Variants in PLPPR1 observed in about 807,000 individuals in gnomAD.
PLPPR1 encodes the protein phospholipid phosphatase related 1.
A neutral mutation model predicts 33.1 loss-of-function variants in PLPPR1; 10 were observed. The ratio of observed to expected loss-of-function variants is 0.30; its 90% confidence interval spans 0.19 to 0.51. The LOEUF (loss-of-function observed/expected upper bound fraction) is 0.51, where lower values mean the gene tolerates loss of function less well. Among genes scored for constraint, PLPPR1 ranks in the 20% least tolerant of loss-of-function variants. The pLI is 0.97. For missense variants in PLPPR1, 304 were observed against 408.1 expected (o/e 0.74, Z 2.20); for synonymous variants, 151 against 151.0 (o/e 1.00, Z 0.00).
At chr9:101,259,009 T>G (rs982898907) in intron 2 of PLPPR1, among the ~76,000 whole-genome samples, 120 of 152,296 alleles carry the variant, frequency 7.9e-4, no homozygotes, top group African/African-American at 2.7e-3. Context: ...AGAGAAAATT[T>G]TGTAGCCCAA....
At chr9:101,269,833 C>G in intron 2 of PLPPR1, 47 bp from the exon 3 acceptor site, 3 of 1,591,234 alleles carry the variant, frequency 1.9e-6, no homozygotes, top group Non-Finnish European at 2.6e-6. Flanking sequence ...GCAAGGGCTG[C>G]TCCGAAGCCC....
At chr9:101,096,156 A>G (rs1446789126) in intron 1 of PLPPR1, among the ~76,000 whole-genome samples, 2 of 152,304 alleles carry the variant, frequency 1.3e-5, no homozygotes, top group Non-Finnish European at 2.9e-5. Flanking sequence ...TACCCTGAAG[A>G]TCACAAAAAG....
chr9:101,047,448 A>G (rs142261923), intron 1 of PLPPR1, among the ~76,000 whole-genome samples: 1 of 152,316 alleles, frequency 6.6e-6, no homozygotes, highest in African/African-American at 2.4e-5. Context: ...GCGCTGTGTG[A>G]AGCAAATTGT....
intron 1 of PLPPR1, among the ~76,000 whole-genome samples, chr9:101,129,838 A>C (rs577564677): frequency 6.0e-4 from 92 of 152,302 alleles, no homozygotes; most frequent in Admixed American, 9.8e-4. Context: ...CAAAACAATA[A>C]AAAAATAAAT....
At chr9:101,249,868 T>A (rs1383317093) in intron 2 of PLPPR1, among the ~76,000 whole-genome samples, 1 of 152,028 alleles carries the variant, frequency 6.6e-6, no homozygotes, top group Non-Finnish European at 1.5e-5. Flanking sequence ...TCTCTTCTCA[T>A]CTCTTGCTGG....
intron 1 of PLPPR1, among the ~76,000 whole-genome samples, chr9:101,090,352 C>G (rs1487609332): frequency 1.3e-5 from 2 of 152,032 alleles, no homozygotes; most frequent in African/African-American, 4.8e-5. Context: ...GTATAAGAGT[C>G]CTTATTTCCC....
intron 1 of PLPPR1, among the ~76,000 whole-genome samples, chr9:101,148,007 A>C (rs1348095713): frequency 1.3e-5 from 2 of 152,112 alleles, no homozygotes; most frequent in Non-Finnish European, 2.9e-5. Flanking sequence ...TTGAGGGTGG[A>C]TATTAGGAGA....
At chr9:101,176,359 T>A in intron 1 of PLPPR1, among the ~76,000 whole-genome samples, 1 of 151,916 alleles carries the variant, frequency 6.6e-6, no homozygotes, top group African/African-American at 2.4e-5. Context: ...AATGAGTATC[T>A]TCCCTTCCAT....
intron 4 of PLPPR1, among the ~76,000 whole-genome samples, chr9:101,298,796 TATA>T (rs1316717387): frequency 2.0e-5 from 3 of 151,960 alleles, no homozygotes; most frequent in Non-Finnish European, 4.4e-5. Context: ...CAAAATAAAT[TATA>T]ATGTTAGAAG....
At chr9:101,260,918 G>T (rs1165406326) in intron 2 of PLPPR1, among the ~76,000 whole-genome samples, 1 of 152,178 alleles carries the variant, frequency 6.6e-6, no homozygotes, top group East Asian at 1.9e-4. Flanking sequence ...AGATAGTTAA[G>T]AAAGAAGAAT....
intron 1 of PLPPR1, among the ~76,000 whole-genome samples, chr9:101,040,790 C>A (rs563080818): frequency 1.3e-4 from 20 of 152,142 alleles, no homozygotes; most frequent in Admixed American, 2.6e-4. Flanking sequence ...GACCGGCCTC[C>A]TTCTACTATG....
At chr9:101,295,904 T>G in intron 4 of PLPPR1, among the ~76,000 whole-genome samples, 2 of 146,064 alleles carry the variant, frequency 1.4e-5, no homozygotes, top group Admixed American at 6.8e-5. Context: ...AAGGACTTCA[T>G]GTCTAAAACA....
chr9:101,180,141 T>TACAC (rs1283593401), intron 1 of PLPPR1, among the ~76,000 whole-genome samples: 7 of 28,934 alleles, frequency 2.4e-4, no homozygotes, highest in South Asian at 6.9e-4. Flanking sequence ...TATATATATA[T>TACAC]ATACACACAC....
At chr9:101,290,229 T>C (rs570473513) in intron 4 of PLPPR1, among the ~76,000 whole-genome samples, 1 of 152,340 alleles carries the variant, frequency 6.6e-6, no homozygotes, top group South Asian at 2.1e-4. Flanking sequence ...AACCGTCTTT[T>C]TTCTAGCCCC....
intron 1 of PLPPR1, among the ~76,000 whole-genome samples, chr9:101,045,066 C>A (rs921460083): frequency 2.0e-5 from 3 of 152,062 alleles, no homozygotes; most frequent in Non-Finnish European, 4.4e-5. Flanking sequence ...CTGAGCTGAT[C>A]CAAAAGGAAT....
At chr9:101,167,046 G>GA (rs5899433) in intron 1 of PLPPR1, among the ~76,000 whole-genome samples, 1,043 of 95,576 alleles carry the variant, frequency 0.011, 28 homozygotes, top group African/African-American at 0.035. Flanking sequence ...AAGATCTATT[G>GA]AAAAAAAAAA....
At chr9:101,252,830 A>ATTTTTTTTTTTT (rs1827735721) in intron 2 of PLPPR1, among the ~76,000 whole-genome samples, 1 of 151,128 alleles carries the variant, frequency 6.6e-6, no homozygotes, top group African/African-American at 2.5e-5. Flanking sequence ...TTTTTAATTG[A>ATTTTTTTTTTTT]TTTGTTCCAT....
chr9:101,215,461 A>G (rs1235308266), intron 2 of PLPPR1, among the ~76,000 whole-genome samples: 4 of 152,086 alleles, frequency 2.6e-5, no homozygotes, highest in Admixed American at 2.0e-4. Flanking sequence ...TTTTATTTTT[A>G]GTAGAGTCGG....
At chr9:101,204,593 G>C (rs995309667) in intron 2 of PLPPR1, among the ~76,000 whole-genome samples, 19 of 152,104 alleles carry the variant, frequency 1.2e-4, no homozygotes, top group African/African-American at 4.6e-4. Flanking sequence ...TTCTGTTAGG[G>C]CTTGGCTACT....
Sources: gnomAD v4.1 joint callset for allele counts (sites outside exome capture counted in the v4.1 genomes callset) on GRCh38, gnomAD v4.1.1 for gene constraint, MANE v1.5 for transcripts, NCBI Gene and HGNC (gene_info 2026-07-23, HGNC 2026-07-21) for gene names.